The following LRMDA variants were observed in gnomAD, a reference collection of about 807,000 sequenced individuals.
The protein encoded by LRMDA is leucine rich melanocyte differentiation associated.
A neutral mutation model predicts 29.8 loss-of-function variants in LRMDA; 18 were observed. The ratio of observed to expected loss-of-function variants is 0.60; its 90% CI spans 0.42 to 0.90. LRMDA has a LOEUF of 0.90. LRMDA is among the 40% of genes least tolerant of loss of function. The pLI is 0.00. For synonymous variants in LRMDA, 125 were observed against 109.4 expected, an observed-to-expected ratio of 1.14 and a Z score of -0.89; for missense variants, 273 against 273.9, an observed-to-expected ratio of 1.00 and a Z score of 0.02.
At chr10:75,882,597 ATGAATCAGAG>A (rs1845313075) in intron 2 of LRMDA, 1 of 152,232 alleles carries the variant, frequency 6.6e-6, no homozygotes, top group Non-Finnish European at 1.5e-5. Context: ...ATGCTTGCTG[ATGAATCAGAG>A]GTGACATCCA....
At chr10:76,055,310 A>C (rs1848596821) in intron 4 of LRMDA, among the ~76,000 whole-genome samples, 2 of 152,044 alleles carry the variant, frequency 1.3e-5, no homozygotes, top group African/African-American at 4.8e-5. Context: ...GAAGAAAAGA[A>C]TTTCATAATA....
intron 2 of LRMDA, among the ~76,000 whole-genome samples, chr10:75,893,340 C>T (rs988247597): frequency 6.6e-6 from 1 of 152,104 alleles, no homozygotes; most frequent in African/African-American, 2.4e-5. Flanking sequence ...AAACCCACAT[C>T]AAAAATATGT....
intron 2 of LRMDA, among the ~76,000 whole-genome samples, chr10:75,611,973 C>T (rs534259941): frequency 2.0e-4 from 30 of 152,354 alleles, no homozygotes; most frequent in African/African-American, 7.0e-4. Context: ...CCAGTTCCCT[C>T]TGCTGCCTTA....
At chr10:76,280,423 C>T (rs1222341897) in intron 5 of LRMDA, among the ~76,000 whole-genome samples, 1 of 152,122 alleles carries the variant, frequency 6.6e-6, no homozygotes, top group Non-Finnish European at 1.5e-5. Flanking sequence ...TTTTTGCACC[C>T]TTCAGATTCT....
chr10:76,001,856 C>T (rs1157444895), intron 2 of LRMDA, among the ~76,000 whole-genome samples: 1 of 152,140 alleles, frequency 6.6e-6, no homozygotes, highest in East Asian at 1.9e-4. Context: ...TATACTGCAA[C>T]ATTTGCTGCC....
At chr10:75,452,568 G>C (rs1046468508) in intron 2 of LRMDA, among the ~76,000 whole-genome samples, 10 of 122,978 alleles carry the variant, frequency 8.1e-5, no homozygotes, top group African/African-American at 2.8e-4. Flanking sequence ...GTGATTTCAG[G>C]ATATGACTTT....
At chr10:76,529,369 G>A (rs1292288012) in intron 6 of LRMDA, among the ~76,000 whole-genome samples, 1 of 152,128 alleles carries the variant, frequency 6.6e-6, no homozygotes, top group African/African-American at 2.4e-5. Flanking sequence ...GCTATTAATA[G>A]TCACTGCTGA....
At chr10:76,121,484 T>G (rs1181610433) in intron 5 of LRMDA, among the ~76,000 whole-genome samples, 1 of 152,184 alleles carries the variant, frequency 6.6e-6, no homozygotes, top group Non-Finnish European at 1.5e-5. Flanking sequence ...TTGATGCAGA[T>G]CAGATGGGGA....
At chr10:75,868,125 CTTG>C (rs1309306738) in intron 2 of LRMDA, among the ~76,000 whole-genome samples, 3 of 152,084 alleles carry the variant, frequency 2.0e-5, no homozygotes, top group Non-Finnish European at 2.9e-5. Flanking sequence ...TTTGCTCTGT[CTTG>C]TTATTTTCCT....
intron 5 of LRMDA, among the ~76,000 whole-genome samples, chr10:76,227,749 G>T (rs923024789): frequency 6.6e-6 from 1 of 152,158 alleles, no homozygotes; most frequent in Non-Finnish European, 1.5e-5. Context: ...GAGAAAGGGA[G>T]ACAGGTTGGT....
chr10:75,801,239 A>G (rs980241780), intron 2 of LRMDA, among the ~76,000 whole-genome samples: 3 of 152,114 alleles, frequency 2.0e-5, no homozygotes, highest in Admixed American at 6.5e-5. Flanking sequence ...TTGTGAGGAG[A>G]TGTATGCAGA....
chr10:76,541,478 G>A (rs1418497283), intron 6 of LRMDA, among the ~76,000 whole-genome samples: 1 of 152,156 alleles, frequency 6.6e-6, no homozygotes, highest in Non-Finnish European at 1.5e-5. Context: ...CAGCCAGGGC[G>A]ACAGGATGAG....
In LRMDA at chr10:75,564,202, G is replaced by A. The variant is rs868774080; in HGVS notation, c.131+125708G>A. Among the ~76,000 whole-genome samples, 4 of 152,098 alleles carry A rather than the reference G, an allele frequency of 2.6e-5. No homozygotes were observed. In the South Asian group the frequency reaches 6.2e-4, roughly 24 times the overall value. On this transcript the variant is annotated intron_variant, in intron 2 of 6. Coordinates refer to ENST00000611255, the MANE Select transcript of LRMDA (RefSeq NM_001305581.2). ...GGGCTGCACCCAGTTGGAGCTTCCC[G>A]GCTGCTTTGTTTACCTAAGCAAGCC...
At chr10:75,466,313 G>T (rs906565961) in intron 2 of LRMDA, among the ~76,000 whole-genome samples, 1 of 152,090 alleles carries the variant, frequency 6.6e-6, no homozygotes, top group African/African-American at 2.4e-5. Flanking sequence ...TAATTTTGGG[G>T]GAGATTTTTA....
intron 2 of LRMDA, among the ~76,000 whole-genome samples, chr10:75,605,079 A>G (rs1456425138): frequency 2.0e-5 from 3 of 152,340 alleles, no homozygotes; most frequent in East Asian, 1.9e-4. Context: ...GCTTAGTTTC[A>G]ACCTGGGTTC....
chr10:75,967,872 C>T (rs1277088942), intron 2 of LRMDA, among the ~76,000 whole-genome samples: 1 of 152,076 alleles, frequency 6.6e-6, no homozygotes, highest in Non-Finnish European at 1.5e-5. Flanking sequence ...GGAGACAGGG[C>T]CCCGTGAAGA....
At chr10:76,304,678 A>G (rs1356592559) in intron 5 of LRMDA, among the ~76,000 whole-genome samples, 1 of 152,132 alleles carries the variant, frequency 6.6e-6, no homozygotes, top group East Asian at 1.9e-4. Flanking sequence ...AAGTTCATTT[A>G]ATTTACCATT....
In LRMDA at chr10:75,812,136, T is replaced by TG. The variant is rs1843974699; in HGVS notation, c.132-223872_132-223871insG. On this transcript the variant is annotated intron_variant, in intron 2 of 6. Transcript: ENST00000611255. Reference sequence around the variant, plus strand: ...TTTTTTTTTTTTTTTTTTTTTTTTTTTTAGCAGAGCGGCATTAGTTTGCTT... The same window carrying TG: ...TTTTTTTTTTTTTTTTTTTTTTTTTTGTTAGCAGAGCGGCATTAGTTTGCTT... Among the ~76,000 whole-genome samples, 3 of 112,788 alleles carry TG rather than the reference T, an allele frequency of 2.7e-5. No homozygotes were observed. The South Asian group carries it at 9.7e-4, about 36-fold the overall frequency. The allele number at this position is 112,788 out of a possible 152,430, so 74.0% of individuals were successfully genotyped here. A position where few individuals can be genotyped will look rare whatever the true frequency, so the allele number is the denominator to read the frequency against.
chr10:75,614,757 G>A (rs1841077985), intron 2 of LRMDA, among the ~76,000 whole-genome samples: 1 of 151,966 alleles, frequency 6.6e-6, no homozygotes, highest in African/African-American at 2.4e-5. Flanking sequence ...TATACAAGGA[G>A]GTTTTGTGGA....
Sources: gnomAD v4.1 joint callset for allele counts (sites outside exome capture counted in the v4.1 genomes callset) on GRCh38, gnomAD v4.1.1 for gene constraint, MANE v1.5 for transcripts, NCBI Gene and HGNC (gene_info 2026-07-23, HGNC 2026-07-21) for gene names.